The following TIGAR variants were observed in gnomAD, a reference collection of about 807,000 sequenced individuals.
TIGAR encodes TP53 induced glycolysis regulatory phosphatase.
A neutral mutation model predicts 17.9 loss-of-function variants in TIGAR; 7 were observed. That is an observed-to-expected ratio of 0.39 (90% CI 0.22 to 0.73). The LOEUF is 0.73. Ranked by LOEUF, TIGAR falls within the 30% of genes least tolerant of loss-of-function variation. The pLI, the probability that TIGAR is intolerant of heterozygous loss-of-function variation, is 0.42. For missense variants in TIGAR, 258 were observed against 327.4 expected (o/e 0.79, Z 1.64); for synonymous variants, 94 against 108.6 (o/e 0.87, Z 0.84).
At chr12:4,343,143 T>C (rs1478118336) in intron 3 of TIGAR, among the ~76,000 whole-genome samples, 1 of 152,110 alleles carries the variant, frequency 6.6e-6, no homozygotes, top group African/African-American at 2.4e-5. Context: ...ACAAAGGCCA[T>C]TACATAATGG....
chr12:4,344,021 G>A (rs1278256346), intron 3 of TIGAR, among the ~76,000 whole-genome samples: 1 of 151,998 alleles, frequency 6.6e-6, no homozygotes, highest in Non-Finnish European at 1.5e-5. Flanking sequence ...TCAAATGGAA[G>A]CAATAAAAAA....
intron 2 of TIGAR, among the ~76,000 whole-genome samples, chr12:4,333,970 TTTTC>T (rs748851424): frequency 1.3e-5 from 2 of 152,176 alleles, no homozygotes; most frequent in East Asian, 3.9e-4. Flanking sequence ...TTTCGATTTT[TTTTC>T]TTTGTTTTTT....
In TIGAR at chr12:4,357,948, G is replaced by T. The variant is rs1020154807; in HGVS notation, c.*5257G>T. Among the ~76,000 whole-genome samples, 3 of 151,242 alleles carry T rather than the reference G, an allele frequency of 2.0e-5. No homozygotes were observed. In the East Asian group the frequency reaches 5.9e-4, roughly 30 times the overall value. On this transcript the variant is annotated 3_prime_UTR_variant, in exon 6 of 6. Transcript: ENST00000179259. ...GAAACCTCGTCTCCACTGAAAAATA[G>T]AAAAAATTAGCCAGGCCTGGTGGCC...
intron 4 of TIGAR, 128 bp from the exon 5 acceptor site, chr12:4,351,139 T>C (rs1265097844): frequency 6.5e-6 from 5 of 767,010 alleles, no homozygotes; most frequent in South Asian, 3.4e-5. Flanking sequence ...TCAGAGGAGA[T>C]AGAATCAATT....
At chr12:4,339,597 G>A (rs1011177837) in intron 3 of TIGAR, among the ~76,000 whole-genome samples, 2 of 152,116 alleles carry the variant, frequency 1.3e-5, no homozygotes, top group African/African-American at 4.8e-5. Flanking sequence ...ATTAAAAGAA[G>A]AAAACTACAG....
chr12:4,348,169 T>A (rs1864801326), intron 3 of TIGAR, among the ~76,000 whole-genome samples: 1 of 151,512 alleles, frequency 6.6e-6, no homozygotes, highest in Admixed American at 6.6e-5. Flanking sequence ...ATAAATAAAA[T>A]AGGAGACATT....
intron 2 of TIGAR, among the ~76,000 whole-genome samples, chr12:4,333,360 G>A (rs1864623905): frequency 6.6e-6 from 1 of 151,396 alleles, no homozygotes; most frequent in South Asian, 2.1e-4. Context: ...CGCGATCTCA[G>A]CTCACTGCAA....
At chr12:4,330,735 G>A (rs576577258) in intron 1 of TIGAR, among the ~76,000 whole-genome samples, 22 of 152,262 alleles carry the variant, frequency 1.4e-4, no homozygotes, top group African/African-American at 5.1e-4. Context: ...TCAAACCTCA[G>A]TTCAGTGTGC....
intron 1 of TIGAR, among the ~76,000 whole-genome samples, chr12:4,325,010 T>C (rs368878653): frequency 2.0e-5 from 3 of 151,764 alleles, no homozygotes; most frequent in East Asian, 3.9e-4. Flanking sequence ...TGGCATGATC[T>C]CCGCTCGCCA....
At chr12:4,349,739 G>A (rs1864817318) in intron 3 of TIGAR, 80 bp from the exon 4 acceptor site, 2 of 1,198,426 alleles carry the variant, frequency 1.7e-6, no homozygotes, top group South Asian at 2.8e-5. Flanking sequence ...TATTCACTAA[G>A]ATGACATAGA....
rs1864770041 is a variant in TIGAR, at chr12:4,345,512, G to T, written c.193-4307G>T. On this transcript the variant is annotated intron_variant, in intron 3 of 5. Coordinates refer to ENST00000179259, the MANE Select transcript of TIGAR (RefSeq NM_020375.3). ...TGACAAAAACAAGAAATGGGGAAAG[G>T]ATTCCCTATTCAACAAATGGTGCTG... Among the ~76,000 whole-genome samples, 4 of 152,164 alleles carry T rather than the reference G, an allele frequency of 2.6e-5. No individual in the cohort carries two copies. In the South Asian group the frequency reaches 6.2e-4, roughly 24 times the overall value.
At position 4,358,282 on chromosome 12, in the gene TIGAR, G is replaced by A. The variant is rs548416399; in HGVS notation, c.*5591G>A. Reference sequence around the variant, plus strand: ...CTAAAAATACAAAAATTAGCTGGGCGTCTCCAAAAAAAAAAAAAAAGAAAA... The same window carrying A: ...CTAAAAATACAAAAATTAGCTGGGCATCTCCAAAAAAAAAAAAAAAGAAAA... On this transcript the variant is annotated 3_prime_UTR_variant, in exon 6 of 6. Coordinates refer to ENST00000179259, the MANE Select transcript of TIGAR (RefSeq NM_020375.3). Among the ~76,000 whole-genome samples the A allele has an allele frequency of 8.0e-5, 11 of 137,648 alleles. No homozygotes were observed. The highest frequency in any genetic ancestry group is 2.9e-4 in the Admixed American group (4 of 13,910). 90.3% of individuals were successfully genotyped at this position (137,648 alleles called of 152,430 possible). A position where few individuals can be genotyped will look rare whatever the true frequency, so the allele number is the denominator to read the frequency against.
chr12:4,359,483 G>A lies in TIGAR; in HGVS notation c.*6792G>A, dbSNP rs756939804. Among the ~76,000 whole-genome samples, 2 of 151,936 alleles carry A rather than the reference G, an allele frequency of 1.3e-5. No individual in the cohort carries two copies. The highest frequency in any genetic ancestry group is 4.8e-5 in the African/African-American group (2 of 41,358). On this transcript the variant is annotated 3_prime_UTR_variant, in exon 6 of 6. Transcript: ENST00000179259. Reference sequence around the variant, plus strand: ...GGAAATGAAATGAAAGACGCCTGGTGTGCATGGTATTTAGAAACCAAGATC... The same window carrying A: ...GGAAATGAAATGAAAGACGCCTGGTATGCATGGTATTTAGAAACCAAGATC...
At chr12:4,333,162 G>A (rs1864621561) in intron 2 of TIGAR, among the ~76,000 whole-genome samples, 1 of 152,008 alleles carries the variant, frequency 6.6e-6, no homozygotes. Flanking sequence ...AGCTGTTTTG[G>A]GGATGGAATT....
rs1864836742 is a variant in TIGAR at position 4,351,374 on chromosome 12, C to T, written c.378C>T (p.Asp126=). 2 of 1,613,542 alleles carry T rather than the reference C, an allele frequency of 1.2e-6. No homozygotes were observed. The highest frequency in any genetic ancestry group is 1.7e-6 in the Non-Finnish European group (2 of 1,179,562). Residue 126 remains aspartate, a synonymous_variant, in exon 5 of 6, where the codon GAC becomes GAT. Coordinates refer to ENST00000179259, the MANE Select transcript of TIGAR (RefSeq NM_020375.3). ...VFTPPGGETL[D]QVKMRGIDFF... ...CACCGCCCGGAGGAGAGACGCTGGACCAGGTATGTGGCGCTGCCGATGTCA... is the reference window on the plus strand; with the variant it reads ...CACCGCCCGGAGGAGAGACGCTGGATCAGGTATGTGGCGCTGCCGATGTCA...
intron 3 of TIGAR, among the ~76,000 whole-genome samples, chr12:4,337,550 G>C (rs1864673417): frequency 6.6e-6 from 1 of 152,000 alleles, no homozygotes; most frequent in African/African-American, 2.4e-5. Context: ...GAGTCTGTAG[G>C]GAATTAAATC....
At chr12:4,332,025 G>C (rs1864608450) in intron 2 of TIGAR, among the ~76,000 whole-genome samples, 1 of 152,122 alleles carries the variant, frequency 6.6e-6, no homozygotes, top group South Asian at 2.1e-4. Context: ...AGGAACCTTT[G>C]TTTTCAGACG....
intron 1 of TIGAR, among the ~76,000 whole-genome samples, chr12:4,326,294 C>T (rs1864545385): frequency 6.6e-6 from 1 of 152,210 alleles, no homozygotes; most frequent in African/African-American, 2.4e-5. Context: ...TATCACAAGT[C>T]AGACTTGGTT....
chr12:4,331,743 T>C (rs1864605612), intron 2 of TIGAR, among the ~76,000 whole-genome samples: 1 of 152,240 alleles, frequency 6.6e-6, no homozygotes, highest in Admixed American at 6.5e-5. Context: ...AAGAACTATT[T>C]TCACATGTGG....
Sources: allele counts gnomAD v4.1 joint callset (sites outside exome capture counted in the v4.1 genomes callset), GRCh38; gene constraint gnomAD v4.1.1; transcripts MANE v1.5; gene names NCBI Gene and HGNC (gene_info 2026-07-23, HGNC 2026-07-21).